REDIC1: variants seen among roughly 807,000 people sequenced by gnomAD.
REDIC1 encodes regulator of DNA class I crossover intermediates 1.
the REDIC1 span, among the ~76,000 whole-genome samples, chr12:39,859,397 T>A: frequency 7.1e-6 from 1 of 140,832 alleles, no homozygotes; most frequent in East Asian, 2.3e-4. Context: ...TGTACTGGCA[T>A]CACCTGGGGA....
chr12:39,896,229 CATATGTGTATATATGT>C, the REDIC1 span, among the ~76,000 whole-genome samples: 4 of 126,432 alleles, frequency 3.2e-5, no homozygotes, highest in Non-Finnish European at 5.0e-5. Context: ...TACATATATG[CATATGTGTATATATGT>C]ATACATGTAT....
At chr12:39,721,163 G>A in the REDIC1 span, 1 of 1,613,578 alleles carries the variant, frequency 6.2e-7, no homozygotes, top group Admixed American at 1.7e-5. Flanking sequence ...ACATGTAGAA[G>A]TGATGTTTCT....
the REDIC1 span, among the ~76,000 whole-genome samples, chr12:39,672,672 CT>C: frequency 1.3e-5 from 2 of 152,106 alleles, no homozygotes; most frequent in Non-Finnish European, 2.9e-5. Flanking sequence ...GCTACACCAC[CT>C]TTTCCCTAGT....
the REDIC1 span, among the ~76,000 whole-genome samples, chr12:39,798,654 G>A: frequency 6.6e-6 from 1 of 152,122 alleles, no homozygotes; most frequent in Admixed American, 6.5e-5. Flanking sequence ...AGCCTCCCTG[G>A]AACAGCCCGG....
chr12:39,656,847 G>C, the REDIC1 span, among the ~76,000 whole-genome samples: 1 of 151,976 alleles, frequency 6.6e-6, no homozygotes, highest in Non-Finnish European at 1.5e-5. Flanking sequence ...ATAGAAAAAA[G>C]CTTATAGAAT....
At chr12:39,722,111 A>G in the REDIC1 span, among the ~76,000 whole-genome samples, 1 of 152,112 alleles carries the variant, frequency 6.6e-6, no homozygotes, top group South Asian at 2.1e-4. Context: ...CCAAAATAAA[A>G]TTGTTAGAGG....
the REDIC1 span, among the ~76,000 whole-genome samples, chr12:39,900,420 A>C: frequency 0.19 from 29,127 of 151,962 alleles, 2,866 homozygotes; most frequent in Non-Finnish European, 0.23. Flanking sequence ...AGATGACATG[A>C]TCGTATATCT....
At chr12:39,706,807 G>A in the REDIC1 span, among the ~76,000 whole-genome samples, 4 of 151,916 alleles carry the variant, frequency 2.6e-5, no homozygotes, top group African/African-American at 9.7e-5. Flanking sequence ...TCTGTATGCA[G>A]AAGAATGAAA....
the REDIC1 span, among the ~76,000 whole-genome samples, chr12:39,681,549 C>T: frequency 2.6e-5 from 4 of 152,144 alleles, no homozygotes; most frequent in Non-Finnish European, 5.9e-5. Context: ...TGTAGAGTAA[C>T]AGATATTTTC....
At chr12:39,641,936 ATATT>A in the REDIC1 span, among the ~76,000 whole-genome samples, 1 of 151,716 alleles carries the variant, frequency 6.6e-6, no homozygotes, top group Non-Finnish European at 1.5e-5. Flanking sequence ...AATTGAAAGG[ATATT>A]TGTCAGTCCG....
chr12:39,667,428 G>A, the REDIC1 span, among the ~76,000 whole-genome samples: 1 of 152,210 alleles, frequency 6.6e-6, no homozygotes, highest in Non-Finnish European at 1.5e-5. Flanking sequence ...TGTGGTCTGA[G>A]AGACAGTTTG....
chr12:39,716,785 A>G, the REDIC1 span: 1 of 1,603,538 alleles, frequency 6.2e-7, no homozygotes, highest in Non-Finnish European at 8.5e-7. Context: ...TAGTCGGTCT[A>G]CTAGTTACTC....
the REDIC1 span, among the ~76,000 whole-genome samples, chr12:39,700,524 C>T: frequency 6.6e-6 from 1 of 152,110 alleles, no homozygotes; most frequent in Non-Finnish European, 1.5e-5. Flanking sequence ...AGGATATTAT[C>T]CAGCAGAACT....
chr12:39,710,662 T>C, the REDIC1 span, among the ~76,000 whole-genome samples: 747 of 151,914 alleles, frequency 4.9e-3, 2 homozygotes, highest in Non-Finnish European at 7.3e-3. Flanking sequence ...TACTTATGTT[T>C]TCTCTATAAA....
chr12:39,654,813 A>T, the REDIC1 span, among the ~76,000 whole-genome samples: 3 of 152,132 alleles, frequency 2.0e-5, no homozygotes, highest in Non-Finnish European at 4.4e-5. Flanking sequence ...GAGGGTTGGT[A>T]TTATTTCTTT....
chr12:39,666,380 A>G, the REDIC1 span, among the ~76,000 whole-genome samples: 20 of 152,130 alleles, frequency 1.3e-4, no homozygotes, highest in Non-Finnish European at 2.1e-4. Context: ...ATTGATTTGC[A>G]TATGTTGAAC....
the REDIC1 span, among the ~76,000 whole-genome samples, chr12:39,833,892 T>TAAAAAAAA: frequency 1.1e-5 from 1 of 88,402 alleles, no homozygotes. Context: ...AGCATGGTCA[T>TAAAAAAAA]AAAAAAAAAA....
At chr12:39,719,642 A>G in the REDIC1 span, among the ~76,000 whole-genome samples, 1 of 152,050 alleles carries the variant, frequency 6.6e-6, no homozygotes. Flanking sequence ...CACCAATAAC[A>G]TGTTATCAAC....
chr12:39,655,092 T>C, the REDIC1 span, among the ~76,000 whole-genome samples: 1 of 152,334 alleles, frequency 6.6e-6, no homozygotes, highest in South Asian at 2.1e-4. Flanking sequence ...TCTTTAATTC[T>C]AGATATGCAT....
Sources: gnomAD v4.1 joint callset for allele counts (sites outside exome capture counted in the v4.1 genomes callset) on GRCh38, gnomAD v4.1.1 for gene constraint, MANE v1.5 for transcripts, NCBI Gene and HGNC (gene_info 2026-07-23, HGNC 2026-07-21) for gene names.